The following MITF variants were observed in gnomAD, a reference collection of about 807,000 sequenced individuals.
The protein encoded by MITF is microphthalmia-associated transcription factor.
In MITF, 17 loss-of-function variants were observed where a neutral mutation model predicts 60.5. The observed-to-expected ratio is 0.28, with a 90% confidence interval of 0.19 to 0.42. The LOEUF is 0.42. Among genes scored for constraint, MITF ranks in the 10% least tolerant of loss-of-function variants. MITF has a pLI of 1.00. For missense variants in MITF, 622 were observed against 683.5 expected (o/e 0.91, Z 1.00); for synonymous variants, 260 against 248.5 (o/e 1.05, Z -0.43).
At chr3:69,918,847 TATTCTC>T (rs1432790172) in intron 2 of MITF, among the ~76,000 whole-genome samples, 2 of 152,230 alleles carry the variant, frequency 1.3e-5, no homozygotes, top group African/African-American at 4.8e-5. Flanking sequence ...TGTTACAACT[TATTCTC>T]ATACTCTCCA....
At position 69,763,967 on chromosome 3, in the gene MITF, C is replaced by T. The variant is rs769084066; in HGVS notation, c.104+24266C>T. 17 of 1,336,606 alleles carry T rather than the reference C, an allele frequency of 1.3e-5. No homozygotes were observed. The South Asian group carries it at 1.9e-4, about 15-fold the overall frequency. 82.8% of individuals were successfully genotyped at this position (1,336,606 alleles called of 1,614,324 possible). On this transcript the variant is annotated intron_variant, in intron 1 of 9. Coordinates refer to ENST00000352241, the MANE Select transcript of MITF (RefSeq NM_001354604.2). ...GGTAATACAGATGATAACCAAAGTA[C>T]CTCAGTTTACAGGTTCTTATATAGC...
At chr3:69,888,439 A>G (rs2064675549) in intron 2 of MITF, among the ~76,000 whole-genome samples, 1 of 151,458 alleles carries the variant, frequency 6.6e-6, no homozygotes, top group Non-Finnish European at 1.5e-5. Flanking sequence ...TTTGAAAGAA[A>G]TCTTACCTTG....
rs1355641477 is a variant in MITF, at chr3:69,960,153, CAAG to C, written c.1179+738_1179+740del. 3.9e-5 allele frequency among the ~76,000 whole-genome samples: 6 copies of C among 152,220 alleles called. No individual in the cohort carries two copies. The East Asian group carries it at 1.2e-3, about 29-fold the overall frequency. On this transcript the variant is annotated intron_variant, in intron 9 of 9. Transcript: ENST00000352241. ...TAAGTACTGACTATACCACGTTAAACAAGAAGATGCCTTAGTATTTGTAGGGTC... is the reference window on the plus strand; with the variant it reads ...TAAGTACTGACTATACCACGTTAAACAAGATGCCTTAGTATTTGTAGGGTC...
intron 1 of MITF, among the ~76,000 whole-genome samples, chr3:69,826,458 T>C (rs2063356345): frequency 1.3e-5 from 2 of 152,236 alleles, no homozygotes; most frequent in Admixed American, 1.3e-4. Context: ...TAGTTATCCA[T>C]TCTACTGTTG....
intron 1 of MITF, among the ~76,000 whole-genome samples, chr3:69,796,494 C>CTTTTTTTTTCTTTTTTTTTT (rs2062830290): frequency 1.2e-5 from 1 of 80,328 alleles, no homozygotes; most frequent in Non-Finnish European, 2.6e-5. Flanking sequence ...CACCGTCTTT[C>CTTTTTTTTTCTTTTTTTTTT]TTTTTTTTTT....
intron 1 of MITF, among the ~76,000 whole-genome samples, chr3:69,870,218 G>C (rs2064199047): frequency 6.7e-6 from 1 of 148,220 alleles, no homozygotes; most frequent in Middle Eastern, 3.5e-3. Flanking sequence ...AGAATGTTTT[G>C]AAAGTGCCAC....
At chr3:69,884,048 C>T (rs1476858220) in intron 2 of MITF, among the ~76,000 whole-genome samples, 1 of 152,176 alleles carries the variant, frequency 6.6e-6, no homozygotes, top group African/African-American at 2.4e-5. Flanking sequence ...CATTTCCCTG[C>T]AGAATCTGAA....
chr3:69,946,038 A>G (rs1202284840), intron 5 of MITF, among the ~76,000 whole-genome samples: 3 of 152,190 alleles, frequency 2.0e-5, no homozygotes, highest in Non-Finnish European at 4.4e-5. Context: ...CAAAACTGTA[A>G]AGTGGGAATC....
At chr3:69,742,986 A>C (rs999202033) in intron 1 of MITF, among the ~76,000 whole-genome samples, 1 of 152,164 alleles carries the variant, frequency 6.6e-6, no homozygotes, top group East Asian at 1.9e-4. Flanking sequence ...TCTCCATGCT[A>C]GACTGCAAAC....
At chr3:69,946,168 CT>C (rs1406252304) in intron 5 of MITF, among the ~76,000 whole-genome samples, 5 of 152,156 alleles carry the variant, frequency 3.3e-5, no homozygotes, top group Non-Finnish European at 7.4e-5. Flanking sequence ...TATAAGACCC[CT>C]GTGAGAAGAA....
intron 6 of MITF, among the ~76,000 whole-genome samples, chr3:69,950,249 C>T (rs1372750468): frequency 6.6e-6 from 1 of 151,740 alleles, no homozygotes; most frequent in Non-Finnish European, 1.5e-5. Context: ...GAGCTGTGAT[C>T]ACACCACTGC....
chr3:69,949,096 C>G lies in MITF; in HGVS notation c.808C>G (p.Leu270Val). 6.2e-7 allele frequency: 1 copy of G among 1,613,744 alleles called. No homozygotes were observed. Residue 270 changes from leucine to valine, a missense_variant, in exon 6 of 10, where the codon CTG (leucine) becomes GTG (valine). This residue lies in a region of MITF where 215 missense variants were observed against 224.8 expected (regional missense o/e 0.96). Transcript: ENST00000352241. ...NLIDLYGNQG[L>V]PPPGLTISNS... ...GATTGATCTTTATGGAAACCAAGGT[C>G]TGCCCCCACCAGGCCTCACCATCAG...
At chr3:69,918,110 G>A (rs1334969841) in intron 2 of MITF, among the ~76,000 whole-genome samples, 2 of 152,102 alleles carry the variant, frequency 1.3e-5, no homozygotes, top group Non-Finnish European at 2.9e-5. Flanking sequence ...TGTCACCCAG[G>A]CTGGAGTGCA....
chr3:69,888,892 A>G (rs1320003646), intron 2 of MITF, among the ~76,000 whole-genome samples: 7 of 152,028 alleles, frequency 4.6e-5, no homozygotes, highest in African/African-American at 1.7e-4. Flanking sequence ...ATTTAAAACA[A>G]AAAACGAAAA....
At chr3:69,956,237 T>C (rs557947405) in intron 7 of MITF, among the ~76,000 whole-genome samples, 22 of 152,196 alleles carry the variant, frequency 1.4e-4, no homozygotes, top group Non-Finnish European at 2.1e-4. Context: ...TAAGAACAAA[T>C]GAGAAATCGT....
At chr3:69,934,069 C>T (rs1029572507) in intron 2 of MITF, among the ~76,000 whole-genome samples, 3 of 152,250 alleles carry the variant, frequency 2.0e-5, no homozygotes, top group East Asian at 1.9e-4. Flanking sequence ...TCACACACCA[C>T]CTGTCCACAG....
chr3:69,853,077 A>G (rs2063852735), intron 1 of MITF, among the ~76,000 whole-genome samples: 1 of 152,132 alleles, frequency 6.6e-6, no homozygotes, highest in African/African-American at 2.4e-5. Context: ...TGAACCATTA[A>G]TTTTGTGACC....
At chr3:69,901,909 A>G (rs1368084331) in intron 2 of MITF, among the ~76,000 whole-genome samples, 1 of 152,202 alleles carries the variant, frequency 6.6e-6, no homozygotes, top group East Asian at 1.9e-4. Context: ...GCAATTGGAA[A>G]GTGTCCACTA....
At chr3:69,794,488 A>G (rs1012135926) in intron 1 of MITF, among the ~76,000 whole-genome samples, 1 of 152,152 alleles carries the variant, frequency 6.6e-6, no homozygotes, top group Admixed American at 6.5e-5. Flanking sequence ...AACTTTGTGC[A>G]TCTCCCTTCT....
Sources: allele counts gnomAD v4.1 joint callset (sites outside exome capture counted in the v4.1 genomes callset), GRCh38; gene constraint gnomAD v4.1.1; regional missense constraint gnomAD v4.1.1; transcripts MANE v1.5; gene names NCBI Gene and HGNC (gene_info 2026-07-23, HGNC 2026-07-21).